Variants in NEK5 observed in about 807,000 individuals in gnomAD.
NEK5 encodes the protein serine/threonine-protein kinase Nek5.
NEK5 carries 88 observed loss-of-function variants against 109.2 expected under a neutral mutation model. That is an observed-to-expected ratio of 0.81 (90% CI 0.68 to 0.96). The LOEUF (loss-of-function observed/expected upper bound fraction) is 0.96, where lower values mean the gene tolerates loss of function less well. Among genes scored for constraint, NEK5 ranks in the 40% least tolerant of loss-of-function variants. The probability of loss-of-function intolerance (pLI) is 0.00; values close to 1 mark genes in which losing one functional copy is unlikely to be tolerated. For synonymous variants in NEK5, 283 were observed against 299.9 expected (o/e 0.94, Z 0.58); for missense variants, 834 against 920.7 (o/e 0.91, Z 1.22).
At chr13:52,105,786 C>T (rs76146863) in intron 8 of NEK5, among the ~76,000 whole-genome samples, 8,381 of 152,162 alleles carry the variant, frequency 0.055, 327 homozygotes, top group Middle Eastern at 0.092. Context: ...ATGGAGCCAG[C>T]GGCTACCCAC....
intron 3 of NEK5, among the ~76,000 whole-genome samples, chr13:52,127,055 AT>A (rs905938918): frequency 1.1e-4 from 17 of 151,512 alleles, no homozygotes; most frequent in Admixed American, 3.3e-4. Context: ...CATTAAAAAA[AT>A]TTTTTTTTAG....
At chr13:52,081,717 C>G (rs1955017156) in intron 17 of NEK5, among the ~76,000 whole-genome samples, 2 of 152,134 alleles carry the variant, frequency 1.3e-5, no homozygotes, top group Admixed American at 6.5e-5. Flanking sequence ...ATAAAATATA[C>G]AAGATTTTAT....
At chr13:52,097,183 A>G (rs1028010865) in intron 12 of NEK5, among the ~76,000 whole-genome samples, 1 of 152,218 alleles carries the variant, frequency 6.6e-6, no homozygotes, top group Non-Finnish European at 1.5e-5. Flanking sequence ...AGCCTGTTTC[A>G]GGGGGACCCT....
chr13:52,088,517 T>C (rs1373791226), intron 14 of NEK5, among the ~76,000 whole-genome samples: 9 of 151,942 alleles, frequency 5.9e-5, no homozygotes, highest in Non-Finnish European at 1.0e-4. Flanking sequence ...CCTCCCAAAG[T>C]GCTGGGATTA....
chr13:52,057,125 A>G (rs9535844), intron 22 of NEK5, among the ~76,000 whole-genome samples: 83,389 of 151,610 alleles, frequency 0.55, 25,726 homozygotes, highest in Non-Finnish European at 0.7. Flanking sequence ...TATCACCACC[A>G]ATCCCACAGA....
At chr13:52,113,564 C>T (rs1052834813) in intron 4 of NEK5, among the ~76,000 whole-genome samples, 2 of 151,776 alleles carry the variant, frequency 1.3e-5, no homozygotes, top group African/African-American at 4.8e-5. Flanking sequence ...TATCCACAAA[C>T]ACTTGCTCCG....
Position 52,083,317 on chromosome 13 carries a change from C to G in NEK5, c.1515G>C (p.Val505=), listed in dbSNP as rs771622417. Residue 505 remains valine, a synonymous_variant, in exon 17 of 24, where the codon GTG becomes GTC. Coordinates refer to ENST00000684899, the MANE Select transcript of NEK5 (RefSeq NM_001365552.1). ...NSKISHKTYL[V]KKSNLPVHQD... ...GATGGACAGGCAGGTTACTCTTCTT[C>G]ACCAAATAGGTTTTATGACTTATTT... The G allele has an allele frequency of 1.6e-5, 26 of 1,613,012 alleles. No individual in the cohort carries two copies. The highest frequency in any genetic ancestry group is 2.1e-5 in the Non-Finnish European group (25 of 1,179,046).
chr13:52,122,777 AAG>A (rs1955995525), intron 3 of NEK5, among the ~76,000 whole-genome samples: 1 of 152,212 alleles, frequency 6.6e-6, no homozygotes, highest in Non-Finnish European at 1.5e-5. Flanking sequence ...AAAAAAAAAA[AAG>A]AGTATATCTA....
Position 52,036,354 on chromosome 13 carries a change from C to G in NEK5, c.*594G>C, listed in dbSNP as rs1169305637. ...ATAAGCAAACAATTTCACCTGCAAC[C>G]TTAATTCTCCTTTGCCATATTTGCA... On this transcript the variant is annotated 3_prime_UTR_variant, in exon 24 of 24. Coordinates refer to ENST00000684899, the MANE Select transcript of NEK5 (RefSeq NM_001365552.1). 1 of 152,208 alleles carries G rather than the reference C, an allele frequency of 6.6e-6. No homozygotes were observed. The highest frequency in any genetic ancestry group is 1.5e-5 in the Non-Finnish European group (1 of 68,070). 9.4% of individuals were successfully genotyped at this position (152,208 alleles called of 1,614,324 possible).
rs1437877087 is a variant in NEK5 at position 52,061,895 on chromosome 13, T to C, written c.2034A>G (p.Glu678=). The C allele has an allele frequency of 1.0e-6, 1 of 983,806 alleles. No homozygotes were observed. The highest frequency in any genetic ancestry group is 1.7e-5 in the African/African-American group (1 of 57,206). 60.9% of individuals were successfully genotyped at this position (983,806 alleles called of 1,614,324 possible). A position where few individuals can be genotyped will look rare whatever the true frequency, so the allele number is the denominator to read the frequency against. ...AAACACTCATTAAAGTTCCTGGAGC[T>C]TCATGCCGCCACTGTTTCCTGTTTC... ...IPGNRKQWRH[E]APGTLMSVLA... Residue 678 remains glutamate (E), a synonymous_variant, in exon 22 of 24, where the codon GAA becomes GAG. Transcript: ENST00000684899.
At chr13:52,064,194 GC>G (rs1367350099) in intron 21 of NEK5, among the ~76,000 whole-genome samples, 1 of 130,732 alleles carries the variant, frequency 7.6e-6, no homozygotes, top group Non-Finnish European at 1.6e-5. Context: ...TCAGCCCCCC[GC>G]CCGGCCAGCC....
At chr13:52,067,659 G>C (rs1300998302) in intron 20 of NEK5, among the ~76,000 whole-genome samples, 2 of 149,586 alleles carry the variant, frequency 1.3e-5, no homozygotes, top group East Asian at 3.9e-4. Context: ...GGCTCCAACT[G>C]GTCTTTACAC....
At chr13:52,059,974 A>T (rs909443654) in intron 22 of NEK5, among the ~76,000 whole-genome samples, 10 of 152,016 alleles carry the variant, frequency 6.6e-5, no homozygotes, top group Middle Eastern at 3.4e-3. Context: ...ATAAAAAAAT[A>T]ATAATAATCA....
chr13:52,097,014 G>A (rs1222985285), intron 12 of NEK5, among the ~76,000 whole-genome samples: 1 of 152,118 alleles, frequency 6.6e-6, no homozygotes, highest in Non-Finnish European at 1.5e-5. Context: ...ACGGCCCAAG[G>A]TACAGCTCAG....
chr13:52,049,750 C>T (rs1176712956), intron 23 of NEK5, among the ~76,000 whole-genome samples: 1 of 151,934 alleles, frequency 6.6e-6, no homozygotes, highest in Non-Finnish European at 1.5e-5. Context: ...CAAAGCTGTC[C>T]TGGGCTGTGG....
intron 22 of NEK5, among the ~76,000 whole-genome samples, chr13:52,055,870 T>A (rs1164809174): frequency 6.6e-6 from 1 of 151,564 alleles, no homozygotes; most frequent in African/African-American, 2.4e-5. Flanking sequence ...CCATCGAGAC[T>A]ACGAAGAAAC....
In NEK5 at chr13:52,046,831, CA is replaced by C. The variant is rs139168882; in HGVS notation, c.2228+3272del. 6.6e-3 allele frequency among the ~76,000 whole-genome samples: 1,005 copies of C among 151,930 alleles called. 11 individuals carry two copies. The highest frequency in any genetic ancestry group is 0.023 in the African/African-American group (968 of 41,454). On this transcript the variant is annotated intron_variant, in intron 23 of 23. Coordinates refer to ENST00000684899, the MANE Select transcript of NEK5 (RefSeq NM_001365552.1). ...AAGTCACCATAAACAAAATAAAAGGCAAAAACCAAGGAAAATATTTTTGAAT... is the reference window on the plus strand; with the variant it reads ...AAGTCACCATAAACAAAATAAAAGGCAAAACCAAGGAAAATATTTTTGAAT...
At chr13:52,072,095 T>C in intron 19 of NEK5, 25 bp from the exon 20 acceptor site, 1 of 1,580,942 alleles carries the variant, frequency 6.3e-7, no homozygotes. Context: ...CAGTGTTTCA[T>C]GATAAATTAG....
At chr13:52,041,115 A>G (rs1954409335) in intron 23 of NEK5, among the ~76,000 whole-genome samples, 1 of 152,204 alleles carries the variant, frequency 6.6e-6, no homozygotes, top group Admixed American at 6.5e-5. Context: ...CCTCCAAAAC[A>G]AAATGAGCCC....
Sources: gnomAD v4.1 joint callset for allele counts (sites outside exome capture counted in the v4.1 genomes callset) on GRCh38, gnomAD v4.1.1 for gene constraint, MANE v1.5 for transcripts, NCBI Gene and HGNC (gene_info 2026-07-23, HGNC 2026-07-21) for gene names.